Variants in TSHZ2 observed in about 807,000 individuals in gnomAD.
The protein encoded by TSHZ2 is teashirt zinc finger homeobox 2, also known as teashirt homolog 2.
TSHZ2 carries 21 observed loss-of-function variants against 74.4 expected under a neutral mutation model. That is an observed-to-expected ratio of 0.28 (90% confidence interval 0.20 to 0.41). The LOEUF is 0.41. Among genes scored for constraint, TSHZ2 ranks in the 10% least tolerant of loss-of-function variants. The pLI is 1.00. For synonymous variants in TSHZ2, 540 were observed against 515.3 expected (o/e 1.05, Z -0.65); for missense variants, 1,244 against 1,293.5 (o/e 0.96, Z 0.59).
intron 2 of TSHZ2, among the ~76,000 whole-genome samples, chr20:53,446,733 C>T (rs1984566038): frequency 6.6e-6 from 1 of 152,144 alleles, no homozygotes; most frequent in Non-Finnish European, 1.5e-5. Flanking sequence ...AATGCTACTG[C>T]AATCATCTCT....
intron 1 of TSHZ2, among the ~76,000 whole-genome samples, chr20:53,234,500 G>A (rs192973132): frequency 6.6e-6 from 1 of 152,304 alleles, no homozygotes; most frequent in Non-Finnish European, 1.5e-5. Flanking sequence ...TCTGTAGTAA[G>A]CTACAAGTTG....
intron 2 of TSHZ2, among the ~76,000 whole-genome samples, chr20:53,338,678 A>G (rs1980055685): frequency 6.6e-6 from 1 of 152,180 alleles, no homozygotes; most frequent in Non-Finnish European, 1.5e-5. Context: ...CCCTACAAGA[A>G]AGGAGCACCC....
chr20:53,260,851 G>C (rs945988628), intron 2 of TSHZ2, among the ~76,000 whole-genome samples: 1 of 152,204 alleles, frequency 6.6e-6, no homozygotes, highest in Non-Finnish European at 1.5e-5. Flanking sequence ...CTGCAGCGTA[G>C]AGAACTTGCA....
intron 1 of TSHZ2, among the ~76,000 whole-genome samples, chr20:53,150,777 A>G (rs1987659452): frequency 6.6e-6 from 1 of 152,058 alleles, no homozygotes; most frequent in African/African-American, 2.4e-5. Flanking sequence ...AAAGAGAAGA[A>G]AAGGAAGGGA....
chr20:53,158,191 G>A (rs1284849610), intron 1 of TSHZ2, among the ~76,000 whole-genome samples: 2 of 152,194 alleles, frequency 1.3e-5, no homozygotes, highest in Non-Finnish European at 2.9e-5. Context: ...AGGAGACCCG[G>A]ATGTCTGGAG....
rs11468792 is a variant in TSHZ2, at chr20:53,240,721, T to TGATAGATAGATAGATAGATA, written c.41-12745_41-12726dup. 9.2e-4 allele frequency among the ~76,000 whole-genome samples: 133 copies of TGATAGATAGATAGATAGATA among 145,158 alleles called. 1 individual carries two copies. The highest frequency in any genetic ancestry group is 1.8e-3 in the East Asian group (9 of 4,920). On this transcript the variant is annotated intron_variant, in intron 1 of 2. Coordinates refer to ENST00000371497, the MANE Select transcript of TSHZ2 (RefSeq NM_173485.6). ...CTGTGCATTAAAATAGATAGATAGATGATAGATAGATAGATAGATAGATAG... is the reference window on the plus strand; with the variant it reads ...CTGTGCATTAAAATAGATAGATAGATGATAGATAGATAGATAGATAGATAGATAGATAGATAGATAGATAG...
intron 2 of TSHZ2, among the ~76,000 whole-genome samples, chr20:53,338,665 ACC>A (rs2145563342): frequency 6.6e-6 from 1 of 152,064 alleles, no homozygotes; most frequent in East Asian, 1.9e-4. Flanking sequence ...GGGACAGCCC[ACC>A]CCCTACAAGA....
At chr20:53,280,038 A>C (rs1326898377) in intron 2 of TSHZ2, among the ~76,000 whole-genome samples, 1 of 152,244 alleles carries the variant, frequency 6.6e-6, no homozygotes, top group African/African-American at 2.4e-5. Flanking sequence ...TAATGAGTTC[A>C]GATTACTCTG....
chr20:53,042,325 G>A (rs1033831189), intron 1 of TSHZ2, among the ~76,000 whole-genome samples: 1 of 152,072 alleles, frequency 6.6e-6, no homozygotes. Context: ...TTCTTTAATT[G>A]TTAGATTGTA....
At chr20:53,101,972 A>G (rs932082969) in intron 1 of TSHZ2, among the ~76,000 whole-genome samples, 4 of 148,684 alleles carry the variant, frequency 2.7e-5, no homozygotes, top group African/African-American at 9.7e-5. Context: ...TTGTTGGAAT[A>G]TCCCTATGAG....
At chr20:53,026,321 G>A (rs1044925984) in intron 1 of TSHZ2, among the ~76,000 whole-genome samples, 1 of 151,774 alleles carries the variant, frequency 6.6e-6, no homozygotes, top group Non-Finnish European at 1.5e-5. Context: ...ATACCTGCAG[G>A]AATTGGGATA....
At chr20:53,193,181 GAAAAAAGA>G (rs1988782063) in intron 1 of TSHZ2, among the ~76,000 whole-genome samples, 1 of 50,274 alleles carries the variant, frequency 2.0e-5, no homozygotes, top group Non-Finnish European at 4.6e-5. Flanking sequence ...AAAAAAAAAA[GAAAAAAGA>G]AAAAAAAAAC....
At chr20:53,150,875 T>C (rs1300808563) in intron 1 of TSHZ2, among the ~76,000 whole-genome samples, 9 of 152,306 alleles carry the variant, frequency 5.9e-5, no homozygotes, top group Middle Eastern at 3.4e-3. Context: ...CTGGCTTAGG[T>C]ATACTTACGT....
chr20:53,177,648 A>G (rs538620759), intron 1 of TSHZ2, among the ~76,000 whole-genome samples: 2 of 152,330 alleles, frequency 1.3e-5, no homozygotes, highest in African/African-American at 4.8e-5. Context: ...CTATGATTAC[A>G]TTAGTATACA....
chr20:53,304,881 T>C (rs73620439), intron 2 of TSHZ2, among the ~76,000 whole-genome samples: 181 of 144,224 alleles, frequency 1.3e-3, no homozygotes, highest in East Asian at 5.2e-3. Context: ...CTGCCTGCCT[T>C]GGCCTCCCAA....
chr20:53,357,274 A>T (rs943802779), intron 2 of TSHZ2, among the ~76,000 whole-genome samples: 2 of 152,236 alleles, frequency 1.3e-5, no homozygotes, highest in Admixed American at 1.3e-4. Context: ...ATTATAATTA[A>T]TGTATCAATA....
chr20:53,266,978 A>G (rs1168855685), intron 2 of TSHZ2, among the ~76,000 whole-genome samples: 1 of 152,098 alleles, frequency 6.6e-6, no homozygotes, highest in Non-Finnish European at 1.5e-5. Flanking sequence ...GTGTTTCACC[A>G]TGTTGGCCAG....
chr20:53,414,247 A>ACTT (rs1264040907), intron 2 of TSHZ2, among the ~76,000 whole-genome samples: 1 of 152,220 alleles, frequency 6.6e-6, no homozygotes, highest in Non-Finnish European at 1.5e-5. Context: ...TTACAGGGGT[A>ACTT]CTTTATATTT....
chr20:53,306,272 C>T (rs1396676091), intron 2 of TSHZ2, among the ~76,000 whole-genome samples: 1 of 152,180 alleles, frequency 6.6e-6, no homozygotes, highest in East Asian at 1.9e-4. Flanking sequence ...TTTCTTGGAC[C>T]ACCCCTCCCT....
Sources: allele counts gnomAD v4.1 joint callset (sites outside exome capture counted in the v4.1 genomes callset), GRCh38; gene constraint gnomAD v4.1.1; transcripts MANE v1.5; gene names NCBI Gene and HGNC (gene_info 2026-07-23, HGNC 2026-07-21).